MAGI1: variants seen among roughly 807,000 people sequenced by gnomAD.
The protein encoded by MAGI1 is membrane-associated guanylate kinase, WW and PDZ domain-containing protein 1.
A neutral mutation model predicts 139.9 loss-of-function variants in MAGI1; 58 were observed. That is an observed-to-expected ratio of 0.41 (90% CI 0.34 to 0.52). MAGI1 has a LOEUF of 0.52. Ranked by LOEUF, MAGI1 falls within the 20% of genes least tolerant of loss-of-function variation. The probability of loss-of-function intolerance (pLI) is 0.12; values close to 1 mark genes in which losing one functional copy is unlikely to be tolerated. For missense variants in MAGI1, 1,874 were observed against 1,901.6 expected, an observed-to-expected ratio of 0.99 and a Z score of 0.27; for synonymous variants, 812 against 737.9, an observed-to-expected ratio of 1.10 and a Z score of -1.63.
chr3:65,389,312 T>C (rs1488060929), intron 14 of MAGI1, among the ~76,000 whole-genome samples: 1 of 152,182 alleles, frequency 6.6e-6, no homozygotes, highest in African/African-American at 2.4e-5. Flanking sequence ...AAAAATGGCA[T>C]TTGAGCAAGA....
At chr3:65,361,719 A>G (rs757966926) in intron 21 of MAGI1, among the ~76,000 whole-genome samples, 5 of 152,316 alleles carry the variant, frequency 3.3e-5, no homozygotes, top group Non-Finnish European at 7.3e-5. Flanking sequence ...GGCAAACATG[A>G]TATCAGTTCA....
intron 1 of MAGI1, among the ~76,000 whole-genome samples, chr3:65,660,494 C>G (rs545032695): frequency 6.6e-6 from 1 of 152,336 alleles, no homozygotes; most frequent in East Asian, 1.9e-4. Context: ...ATTGATTAGT[C>G]TTCTACAGGG....
chr3:65,688,113 T>A (rs2088225165), intron 1 of MAGI1: 1 of 771,310 alleles, frequency 1.3e-6, no homozygotes, highest in Admixed American at 1.8e-5. Flanking sequence ...TAGGTGTTGC[T>A]TGCAGATTCT....
chr3:65,754,297 C>A (rs1310152054), intron 1 of MAGI1, among the ~76,000 whole-genome samples: 1 of 152,090 alleles, frequency 6.6e-6, no homozygotes, highest in African/African-American at 2.4e-5. Context: ...TAATTTCCAT[C>A]CTCATTCAAG....
intron 1 of MAGI1, among the ~76,000 whole-genome samples, chr3:66,001,327 A>G (rs1185822854): frequency 6.6e-6 from 1 of 152,212 alleles, no homozygotes; most frequent in Non-Finnish European, 1.5e-5. Context: ...ATATTCAAAA[A>G]AGATATATAA....
At position 65,391,415 on chromosome 3, in the gene MAGI1, T is replaced by C. The variant is rs373919012; in HGVS notation, c.2200-57A>G. 1.4e-4 allele frequency: 198 copies of C among 1,451,672 alleles called. 2 individuals are homozygous for C. In the African/African-American group the frequency reaches 2.4e-3, roughly 17 times the overall value. The allele number at this position is 1,451,672 out of a possible 1,614,324, so 89.9% of individuals were successfully genotyped here. A position where few individuals can be genotyped will look rare whatever the true frequency, so the allele number is the denominator to read the frequency against. The stretch of plus-strand genomic sequence containing the variant: ...AAAAGATTATTATTGGTTCTCTGAA[T>C]GGGTGCTTTCCACCAGCTTGTCTTT... On this transcript the variant is annotated intron_variant, in intron 13 of 22. Coordinates refer to ENST00000402939, the MANE Select transcript of MAGI1 (RefSeq NM_001033057.2).
chr3:65,449,231 A>T (rs1216953036), intron 6 of MAGI1, among the ~76,000 whole-genome samples: 2 of 152,006 alleles, frequency 1.3e-5, no homozygotes, highest in Non-Finnish European at 2.9e-5. Context: ...TATGTAACAA[A>T]CCTGCACGTT....
At chr3:65,605,615 G>A (rs1332998172) in intron 2 of MAGI1, among the ~76,000 whole-genome samples, 3 of 152,106 alleles carry the variant, frequency 2.0e-5, no homozygotes, top group Non-Finnish European at 4.4e-5. Context: ...TAGAGTGTCT[G>A]ACCTACTTTT....
At chr3:65,526,762 C>T (rs1252151454) in intron 2 of MAGI1, among the ~76,000 whole-genome samples, 1 of 152,114 alleles carries the variant, frequency 6.6e-6, no homozygotes, top group Non-Finnish European at 1.5e-5. Context: ...ATGATGGGAG[C>T]ATTCCCTCAA....
At chr3:65,763,730 T>C (rs964942360) in intron 1 of MAGI1, among the ~76,000 whole-genome samples, 9 of 151,696 alleles carry the variant, frequency 5.9e-5, no homozygotes, top group African/African-American at 1.7e-4. Flanking sequence ...CATAGGCATA[T>C]TTCATATCGC....
intron 1 of MAGI1, among the ~76,000 whole-genome samples, chr3:65,849,331 ATT>A (rs2059123900): frequency 6.6e-6 from 1 of 151,502 alleles, no homozygotes; most frequent in Admixed American, 6.6e-5. Flanking sequence ...GACCCAGACC[ATT>A]CTTTTCCCTT....
chr3:65,590,674 T>C (rs1418799529), intron 2 of MAGI1, among the ~76,000 whole-genome samples: 1 of 152,156 alleles, frequency 6.6e-6, no homozygotes, highest in African/African-American at 2.4e-5. Context: ...TGCAGAGAGC[T>C]AAGTCCTCAA....
intron 1 of MAGI1, among the ~76,000 whole-genome samples, chr3:65,860,900 T>C (rs1293389466): frequency 6.6e-6 from 1 of 152,000 alleles, no homozygotes; most frequent in East Asian, 1.9e-4. Context: ...CATAGAGAAT[T>C]CGAATTCAAA....
rs376367437 is a variant in MAGI1, at chr3:65,356,453, G to C, written c.4314C>G (p.Ala1438=). ...CCGGGGGATGTCTGGAACTTCTGCC[G>C]GCATCCTGTTTCAGATTCGCCTCTT... is the stretch of plus-strand genomic sequence containing the variant. ...EREEANLKQD[A]GRSSRHPPEQ... The change falls in exon 23 of 23, where the codon GCC becomes GCG. Residue 1438 remains alanine (A), a synonymous_variant. Transcript: ENST00000402939. 14 of 1,611,580 alleles carry C rather than the reference G, an allele frequency of 8.7e-6. No homozygotes were observed. The highest frequency in any genetic ancestry group is 1.2e-5 in the Non-Finnish European group (14 of 1,179,848).
chr3:65,628,865 T>C (rs2084128508), intron 1 of MAGI1, among the ~76,000 whole-genome samples: 1 of 152,250 alleles, frequency 6.6e-6, no homozygotes, highest in South Asian at 2.1e-4. Flanking sequence ...TTATAGTTTT[T>C]AAATTGTCTT....
chr3:65,966,723 T>C (rs2064765211), intron 1 of MAGI1, among the ~76,000 whole-genome samples: 1 of 152,200 alleles, frequency 6.6e-6, no homozygotes, highest in Non-Finnish European at 1.5e-5. Flanking sequence ...AGCTTGTTCA[T>C]CTGCAAGTGG....
intron 1 of MAGI1, among the ~76,000 whole-genome samples, chr3:65,975,027 C>T (rs574557250): frequency 5.3e-5 from 8 of 150,558 alleles, no homozygotes; most frequent in Non-Finnish European, 8.9e-5. Flanking sequence ...TATTTTTGTA[C>T]AGCTGCAAAA....
intron 5 of MAGI1, among the ~76,000 whole-genome samples, chr3:65,465,162 T>C (rs1950088868): frequency 1.3e-5 from 2 of 151,302 alleles, no homozygotes; most frequent in African/African-American, 4.8e-5. Flanking sequence ...TTAGAAACAT[T>C]AAACAGTACT....
At chr3:65,530,918 T>C (rs1442796397) in intron 2 of MAGI1, among the ~76,000 whole-genome samples, 3 of 149,080 alleles carry the variant, frequency 2.0e-5, no homozygotes, top group African/African-American at 7.4e-5. Context: ...CAGCCCAGTG[T>C]TGGAATCCGC....
Sources: allele counts gnomAD v4.1 joint callset (sites outside exome capture counted in the v4.1 genomes callset), GRCh38; gene constraint gnomAD v4.1.1; transcripts MANE v1.5; gene names NCBI Gene and HGNC (gene_info 2026-07-23, HGNC 2026-07-21).